Variants in KLF17 observed in about 807,000 individuals in gnomAD.
KLF17 encodes KLF transcription factor 17.
A neutral mutation model predicts 34.2 loss-of-function variants in KLF17; 31 were observed. The observed-to-expected ratio is 0.91, with a 90% CI of 0.68 to 1.22. KLF17 has a LOEUF of 1.22. KLF17 is among the 50% of genes most tolerant of loss of function. The probability of loss-of-function intolerance (pLI) is 0.00; values close to 1 mark genes in which losing one functional copy is unlikely to be tolerated. For missense variants in KLF17, 478 were observed against 505.2 expected, an observed-to-expected ratio of 0.95 and a Z score of 0.52; for synonymous variants, 179 against 186.7, an observed-to-expected ratio of 0.96 and a Z score of 0.34.
the KLF17 span, among the ~76,000 whole-genome samples, chr1:44,058,423 T>C: frequency 6.6e-6 from 1 of 152,062 alleles, no homozygotes; most frequent in Admixed American, 6.6e-5. Flanking sequence ...CCCGAGTAGC[T>C]GGGACTACAG....
chr1:44,115,060 T>C (rs1001495941), upstream of KLF17: 2 of 152,190 alleles, frequency 1.3e-5, no homozygotes, highest in African/African-American at 4.8e-5. Flanking sequence ...TAAACAATCA[T>C]GAGTTACTGT....
the KLF17 span, among the ~76,000 whole-genome samples, chr1:44,100,336 T>C: frequency 1.3e-5 from 2 of 150,034 alleles, no homozygotes; most frequent in Non-Finnish European, 3.0e-5. Context: ...AGAAAGAATA[T>C]GGGAATGGAA....
the KLF17 span, among the ~76,000 whole-genome samples, chr1:44,080,240 T>A: frequency 7.2e-6 from 1 of 138,520 alleles, no homozygotes; most frequent in African/African-American, 2.7e-5. Flanking sequence ...CTGTGTCTTT[T>A]TTTTTTTTTT....
intron 1 of KLF17, among the ~76,000 whole-genome samples, chr1:44,120,566 A>G (rs924975453): frequency 3.9e-5 from 6 of 152,236 alleles, no homozygotes; most frequent in African/African-American, 1.2e-4. Context: ...GATGGAAGTC[A>G]TCAGTGGTGA....
At chr1:44,058,696 TTTTTTTTTC>T in the KLF17 span, among the ~76,000 whole-genome samples, 1 of 98,284 alleles carries the variant, frequency 1.0e-5, no homozygotes, top group African/African-American at 4.9e-5. Flanking sequence ...TTTTTTTTTT[TTTTTTTTTC>T]CCGAGACGGA....
chr1:44,130,956 C>T lies in KLF17; in HGVS notation c.*200C>T, dbSNP rs527240952. Among the ~76,000 whole-genome samples the T allele has an allele frequency of 6.4e-4, 98 of 152,154 alleles. 3 individuals carry two copies. The highest frequency in any genetic ancestry group is 8.4e-4 in the African/African-American group (35 of 41,498). On this transcript the variant is annotated intron_variant, in intron 3 of 3. Coordinates refer to ENST00000372299, the MANE Select transcript of KLF17 (RefSeq NM_173484.4). The stretch of plus-strand genomic sequence containing the variant: ...GACTACAGGCACGTGCCACCAGGCC[C>T]GGGTAATTTTTTGTATTTTTAGTAG...
the KLF17 span, among the ~76,000 whole-genome samples, chr1:44,058,096 A>G: frequency 6.6e-6 from 1 of 152,192 alleles, no homozygotes; most frequent in Non-Finnish European, 1.5e-5. Context: ...CAGAGTGATA[A>G]TGGACCCTCC....
chr1:44,100,274 G>A, the KLF17 span, among the ~76,000 whole-genome samples: 4,382 of 76,748 alleles, frequency 0.057, 90 homozygotes, highest in South Asian at 0.08. Context: ...AAAAAAAAAA[G>A]AGAGAGAGAG....
chr1:44,122,308 T>A, intron 1 of KLF17: 1 of 1,600,064 alleles, frequency 6.2e-7, no homozygotes, highest in Non-Finnish European at 8.6e-7. Flanking sequence ...TCTAGTAGAA[T>A]AAAATACCGA....
the KLF17 span, among the ~76,000 whole-genome samples, chr1:44,069,512 G>GAGAGAGAGGGA: frequency 3.1e-4 from 36 of 114,630 alleles, no homozygotes; most frequent in African/African-American, 1.3e-3. This position sits in a 1 kb window ranked among gnomAD's most constrained non-coding sequence, Gnocchi z 4.7. Context: ...GAGAGAGAGA[G>GAGAGAGAGGGA]AAGACAGGAG....
the KLF17 span, among the ~76,000 whole-genome samples, chr1:44,092,874 A>C: frequency 4.6e-5 from 7 of 152,138 alleles, no homozygotes; most frequent in East Asian, 1.2e-3. Flanking sequence ...AAAAAACCCC[A>C]AAAAAACAAA....
the KLF17 span, chr1:44,104,827 C>T: frequency 0.52 from 79,912 of 153,682 alleles, 18,480 homozygotes; most frequent in Middle Eastern, 0.61. Context: ...TGAACTACAG[C>T]ACTATGAATC....
the KLF17 span, among the ~76,000 whole-genome samples, chr1:44,083,473 C>G: frequency 6.6e-6 from 1 of 152,060 alleles, no homozygotes; most frequent in East Asian, 1.9e-4. Flanking sequence ...AAATATCCAG[C>G]AAGTTGTTCT....
chr1:44,122,602 G>GTT (rs200325694), intron 1 of KLF17: 44 of 610,520 alleles, frequency 7.2e-5, no homozygotes, highest in East Asian at 1.4e-4. Flanking sequence ...GCCGTTTTTG[G>GTT]TTTTTTTTTT....
the KLF17 span, among the ~76,000 whole-genome samples, chr1:44,086,817 A>G: frequency 6.6e-6 from 1 of 152,220 alleles, no homozygotes; most frequent in South Asian, 2.1e-4. Context: ...GTGAAATAAG[A>G]AACAAGGTCA....
At chr1:44,075,684 C>T in the KLF17 span, among the ~76,000 whole-genome samples, 1 of 152,178 alleles carries the variant, frequency 6.6e-6, no homozygotes, top group Non-Finnish European at 1.5e-5. Context: ...TAACCAAGCT[C>T]CTTCAGACTG....
chr1:44,112,430 G>T, the KLF17 span, among the ~76,000 whole-genome samples: 1 of 150,092 alleles, frequency 6.7e-6, no homozygotes. Context: ...TTAGCATCAG[G>T]GTCTCAGTCT....
the KLF17 span, among the ~76,000 whole-genome samples, chr1:44,066,149 C>T: frequency 2.0e-5 from 3 of 152,026 alleles, no homozygotes; most frequent in African/African-American, 7.2e-5. Flanking sequence ...AGACCCCCGT[C>T]TCTACAAAAA....
At chr1:44,117,424 A>G (rs1171251741), upstream of KLF17, 1 of 143,190 alleles carries the variant, frequency 7.0e-6, no homozygotes, top group Non-Finnish European at 1.6e-5. Context: ...TTTCTTGGAC[A>G]GCTCCTTTTT....
Sources: allele counts gnomAD v4.1 joint callset (sites outside exome capture counted in the v4.1 genomes callset), GRCh38; gene constraint gnomAD v4.1.1; non-coding constraint Gnocchi (gnomAD v3.1); transcripts MANE v1.5; gene names NCBI Gene and HGNC (gene_info 2026-07-23, HGNC 2026-07-21).